TRIO: variants seen among roughly 807,000 people sequenced by gnomAD.
TRIO encodes triple functional domain protein.
TRIO carries 58 observed loss-of-function variants against 351.9 expected under a neutral mutation model. The observed-to-expected ratio is 0.16, with a 90% CI of 0.13 to 0.21. The LOEUF is 0.21. Among genes scored for constraint, TRIO ranks in the 10% least tolerant of loss-of-function variants. The pLI is 1.00. For synonymous variants in TRIO, 1,758 were observed against 1,595.7 expected, an observed-to-expected ratio of 1.10 and a Z score of -2.42; for missense variants, 3,201 against 4,027.8, an observed-to-expected ratio of 0.79 and a Z score of 5.56.
At chr5:14,333,205 C>T (rs1020923621) in intron 10 of TRIO, among the ~76,000 whole-genome samples, 1 of 152,174 alleles carries the variant, frequency 6.6e-6, no homozygotes, top group Admixed American at 6.5e-5. Context: ...AGTGTGTGTC[C>T]GGTCAAATGG....
In TRIO at chr5:14,420,032, G is replaced by T; in HGVS notation, c.5203+11G>T. On this transcript the variant is annotated intron_variant, in intron 34 of 56. Transcript: ENST00000344204. ...TCTTCAACCACAAAGGTAGGAATCA[G>T]TGGGGCATGGGTGGCAGACCCCTAC... 1 of 1,609,110 alleles carries T rather than the reference G, an allele frequency of 6.2e-7. No homozygotes were observed. The highest frequency in any genetic ancestry group is 8.5e-7 in the Non-Finnish European group (1 of 1,176,134).
At chr5:14,230,759 T>G (rs1793366731) in intron 1 of TRIO, among the ~76,000 whole-genome samples, 1 of 152,230 alleles carries the variant, frequency 6.6e-6, no homozygotes, top group Admixed American at 6.5e-5. Context: ...TTTCAAGATA[T>G]TGGTGAGTCT....
At position 14,487,457 on chromosome 5, in the gene TRIO, C is replaced by T; in HGVS notation, c.6836-7C>T. The T allele has an allele frequency of 9.1e-7, 1 of 1,095,172 alleles. No individual in the cohort carries two copies. Among genetic ancestry groups the T allele is most frequent in the Non-Finnish European group, 1.1e-6 (1 of 882,970 alleles). 67.8% of individuals were successfully genotyped at this position (1,095,172 alleles called of 1,614,324 possible). ...GACCCAGTCTCTCCCGCTGTCTTGT[C>T]TTACAGCCTTGACATCGCCAATCGA... On this transcript the variant is annotated splice_polypyrimidine_tract_variant and splice_region_variant and intron_variant, in intron 47 of 56. Transcript: ENST00000344204.
At chr5:14,403,125 TGTG>T (rs533438586) in intron 31 of TRIO, among the ~76,000 whole-genome samples, 77 of 111,036 alleles carry the variant, frequency 6.9e-4, no homozygotes, top group Non-Finnish European at 1.1e-3. Flanking sequence ...GGGTGCAGGT[TGTG>T]GTGAGGGTGC....
chr5:14,408,785 A>T (rs1487076938), intron 33 of TRIO, among the ~76,000 whole-genome samples: 1 of 152,122 alleles, frequency 6.6e-6, no homozygotes, highest in Admixed American at 6.5e-5. Context: ...ATCACCGTCA[A>T]GCCCCAAATT....
chr5:14,156,320 T>A (rs1788100332), intron 1 of TRIO, among the ~76,000 whole-genome samples: 1 of 152,138 alleles, frequency 6.6e-6, no homozygotes, highest in Non-Finnish European at 1.5e-5. Flanking sequence ...TAGTGAATGG[T>A]ATTTAGAAAC....
chr5:14,388,096 T>C (rs1370129852), intron 23 of TRIO: 2 of 512,682 alleles, frequency 3.9e-6, no homozygotes, highest in African/African-American at 1.9e-5. Flanking sequence ...TTGTCATTAA[T>C]AGATAGTGAC....
chr5:14,305,369 G>C (rs1738269169), intron 8 of TRIO, among the ~76,000 whole-genome samples: 1 of 152,192 alleles, frequency 6.6e-6, no homozygotes, highest in African/African-American at 2.4e-5. Flanking sequence ...CTTGAGACCA[G>C]CCTACCTTTG....
At chr5:14,488,605 C>T (rs1298030942) in intron 48 of TRIO, 4 of 494,740 alleles carry the variant, frequency 8.1e-6, no homozygotes, top group African/African-American at 7.6e-5. Flanking sequence ...TTCCTTTTCC[C>T]TGCTCTCTAC....
At chr5:14,379,871 A>G (rs374862902) in intron 20 of TRIO, among the ~76,000 whole-genome samples, 6 of 152,138 alleles carry the variant, frequency 3.9e-5, no homozygotes, top group African/African-American at 1.4e-4. Flanking sequence ...CACTGTCACA[A>G]TATGCAGCAC....
intron 8 of TRIO, among the ~76,000 whole-genome samples, chr5:14,307,121 A>G (rs1475717531): frequency 4.6e-5 from 7 of 152,192 alleles, no homozygotes; most frequent in African/African-American, 1.4e-4. Context: ...GGGCTACAGG[A>G]AAGTGGTAGA....
At chr5:14,175,163 T>A (rs543467430) in intron 1 of TRIO, among the ~76,000 whole-genome samples, 72 of 152,350 alleles carry the variant, frequency 4.7e-4, no homozygotes, top group African/African-American at 1.7e-3. Flanking sequence ...GTTAGAAATA[T>A]ACTACTCCCC....
chr5:14,445,566 A>G (rs973209645), intron 34 of TRIO, among the ~76,000 whole-genome samples: 2 of 152,006 alleles, frequency 1.3e-5, no homozygotes, highest in Non-Finnish European at 2.9e-5. Context: ...CAGTTGAGAA[A>G]CCTTGCTATT....
At chr5:14,320,135 C>T (rs1015198703) in intron 9 of TRIO, among the ~76,000 whole-genome samples, 1 of 152,024 alleles carries the variant, frequency 6.6e-6, no homozygotes, top group Non-Finnish European at 1.5e-5. Flanking sequence ...ATACATCTCT[C>T]CATTGCCTTA....
At chr5:14,369,234 G>A (rs2152344242) in intron 17 of TRIO, 140 bp from the exon 18 acceptor site, 2 of 1,245,066 alleles carry the variant, frequency 1.6e-6, no homozygotes, top group Admixed American at 2.7e-5. Context: ...CCAGCCAGGT[G>A]GAGCCCATGG....
intron 30 of TRIO, among the ~76,000 whole-genome samples, chr5:14,399,709 T>C (rs779264224): frequency 6.6e-6 from 1 of 152,230 alleles, no homozygotes; most frequent in East Asian, 1.9e-4. Context: ...TGCTGCCATT[T>C]TGTGACCACT....
intron 1 of TRIO, among the ~76,000 whole-genome samples, chr5:14,195,111 T>A (rs1440280717): frequency 6.6e-6 from 1 of 152,218 alleles, no homozygotes; most frequent in Non-Finnish European, 1.5e-5. Context: ...TTTACAGACT[T>A]TATTCAGATC....
intron 40 of TRIO, 82 bp from the exon 41 acceptor site, chr5:14,476,808 AAAAG>A (rs1009341598): frequency 9.8e-6 from 10 of 1,020,810 alleles, no homozygotes; most frequent in African/African-American, 5.8e-5. Context: ...AAAAAAGAAA[AAAAG>A]AAAAAGAAAA....
chr5:14,264,213 G>T, intron 1 of TRIO, among the ~76,000 whole-genome samples: 1 of 151,416 alleles, frequency 6.6e-6, no homozygotes, highest in African/African-American at 2.4e-5. Flanking sequence ...GATTATTTTG[G>T]TTTTCTTTTG....
Sources: gnomAD v4.1 joint callset for allele counts (sites outside exome capture counted in the v4.1 genomes callset) on GRCh38, gnomAD v4.1.1 for gene constraint, MANE v1.5 for transcripts, NCBI Gene and HGNC (gene_info 2026-07-23, HGNC 2026-07-21) for gene names.